Variants in SORCS2 observed in about 807,000 individuals in gnomAD.
SORCS2 encodes VPS10 domain-containing receptor SorCS2.
In SORCS2, 100 loss-of-function variants were observed where a neutral mutation model predicts 141.6. The ratio of observed to expected loss-of-function variants is 0.71; its 90% CI spans 0.60 to 0.83. SORCS2 has a LOEUF of 0.83. Ranked by LOEUF, SORCS2 falls within the 40% of genes least tolerant of loss-of-function variation. The pLI is 0.00. For missense variants in SORCS2, 1,646 were observed against 1,560.2 expected, an observed-to-expected ratio of 1.05 and a Z score of -0.93; for synonymous variants, 789 against 676.9, an observed-to-expected ratio of 1.17 and a Z score of -2.57.
At chr4:7,717,990 T>A (rs779005143) in intron 17 of SORCS2, 22 bp from the exon 18 acceptor site, 2 of 1,584,870 alleles carry the variant, frequency 1.3e-6, no homozygotes, top group East Asian at 4.7e-5. Context: ...AAGCGGACCC[T>A]GACCCTCTCT....
intron 1 of SORCS2, among the ~76,000 whole-genome samples, chr4:7,386,610 A>C (rs1247230950): frequency 6.7e-6 from 1 of 150,058 alleles, no homozygotes; most frequent in African/African-American, 2.5e-5. Context: ...ACGCACACAT[A>C]TGCCCACCAT....
At chr4:7,241,224 C>G (rs1310982064) in intron 1 of SORCS2, among the ~76,000 whole-genome samples, 1 of 152,174 alleles carries the variant, frequency 6.6e-6, no homozygotes, top group African/African-American at 2.4e-5. Flanking sequence ...CAGGCATGAG[C>G]CACCTCACTA....
chr4:7,662,418 C>T (rs1264844111), intron 6 of SORCS2, among the ~76,000 whole-genome samples: 4 of 152,122 alleles, frequency 2.6e-5, no homozygotes, highest in East Asian at 1.9e-4. Flanking sequence ...TACCTTTGAC[C>T]TCAGGCACCC....
At chr4:7,402,095 G>A (rs1044221542) in intron 2 of SORCS2, among the ~76,000 whole-genome samples, 7 of 152,152 alleles carry the variant, frequency 4.6e-5, no homozygotes, top group African/African-American at 1.7e-4. Flanking sequence ...AATAATGTAG[G>A]TGCCATTGAA....
Position 7,192,564 on chromosome 4 carries a change from C to T in SORCS2, c.-83C>T, listed in dbSNP as rs1726902929. 1 of 979,188 alleles carries T rather than the reference C, an allele frequency of 1.0e-6. No homozygotes were observed. The allele number at this position is 979,188 out of a possible 1,614,324, so 60.7% of individuals were successfully genotyped here. ...CTTTCTCTGCGCTCTCGCTCGCGCT[C>T]CCCAGCGCCCTCCTGCTCTCCCGGC... On this transcript the variant is annotated 5_prime_UTR_variant, in exon 1 of 27. Transcript: ENST00000507866. This position sits in a 1 kb window ranked among gnomAD's most constrained non-coding sequence, Gnocchi z 4.0.
intron 3 of SORCS2, among the ~76,000 whole-genome samples, chr4:7,625,000 T>C (rs1432570295): frequency 6.6e-6 from 1 of 152,238 alleles, no homozygotes; most frequent in Non-Finnish European, 1.5e-5. Context: ...ATGAGTTATT[T>C]TATATGCTCT....
chr4:7,513,230 C>T (rs774098340), intron 2 of SORCS2, among the ~76,000 whole-genome samples: 10 of 152,324 alleles, frequency 6.6e-5, no homozygotes, highest in South Asian at 2.1e-4. Flanking sequence ...AAATACCGTG[C>T]GCTACAGGTG....
chr4:7,732,936 A>G (rs919559575), intron 23 of SORCS2, among the ~76,000 whole-genome samples: 3 of 151,718 alleles, frequency 2.0e-5, no homozygotes, highest in Admixed American at 2.0e-4. Context: ...AGCAGGACTC[A>G]CACTGGTCCA....
At chr4:7,236,998 T>C (rs1712329066) in intron 1 of SORCS2, among the ~76,000 whole-genome samples, 1 of 152,188 alleles carries the variant, frequency 6.6e-6, no homozygotes, top group Admixed American at 6.5e-5. Context: ...GAAAGACTGG[T>C]CGGGTGGGGC....
intron 3 of SORCS2, among the ~76,000 whole-genome samples, chr4:7,559,789 C>A (rs138968401): frequency 6.6e-6 from 1 of 152,250 alleles, no homozygotes; most frequent in South Asian, 2.1e-4. Context: ...GATGAACAAA[C>A]GGCTCTCCAC....
chr4:7,226,685 A>T (rs1729010200), intron 1 of SORCS2, among the ~76,000 whole-genome samples: 1 of 151,994 alleles, frequency 6.6e-6, no homozygotes, highest in Non-Finnish European at 1.5e-5. Flanking sequence ...GTCACCGCTG[A>T]GGTTAAGATG....
chr4:7,529,274 C>A, intron 2 of SORCS2, among the ~76,000 whole-genome samples: 1 of 152,068 alleles, frequency 6.6e-6, no homozygotes, highest in Admixed American at 6.6e-5. Context: ...GGCCCCACCA[C>A]CCCTCCCTCA....
At chr4:7,703,566 C>G (rs1188226775) in intron 13 of SORCS2, among the ~76,000 whole-genome samples, 195 bp downstream of exon 13, 1 of 152,152 alleles carries the variant, frequency 6.6e-6, no homozygotes, top group East Asian at 1.9e-4. Context: ...TGGAGATGGA[C>G]TTCGTCTTGC....
rs188899363 is a variant in SORCS2 at position 7,570,280 on chromosome 4, C to T, written c.648+38651C>T. 3.9e-5 allele frequency among the ~76,000 whole-genome samples: 6 copies of T among 152,322 alleles called. No homozygotes were observed. The East Asian group carries it at 5.8e-4, about 15-fold the overall frequency. On this transcript the variant is annotated intron_variant, in intron 3 of 26. Coordinates refer to ENST00000507866, the MANE Select transcript of SORCS2 (RefSeq NM_020777.3). Reference sequence around the variant, plus strand: ...CGGTGGAGCCCAGGCACAGGCAGGCCGCTGAGCCTGTGTCCCACTTTGTAC... The same window carrying T: ...CGGTGGAGCCCAGGCACAGGCAGGCTGCTGAGCCTGTGTCCCACTTTGTAC...
chr4:7,339,024 C>T (rs1720207107), intron 1 of SORCS2, among the ~76,000 whole-genome samples: 1 of 152,230 alleles, frequency 6.6e-6, no homozygotes, highest in African/African-American at 2.4e-5. Flanking sequence ...GGGAACTGCA[C>T]CTCTTGGCCA....
At chr4:7,481,096 C>T (rs1369996119) in intron 2 of SORCS2, among the ~76,000 whole-genome samples, 1 of 152,228 alleles carries the variant, frequency 6.6e-6, no homozygotes, top group Non-Finnish European at 1.5e-5. Flanking sequence ...ATTCTAGTGG[C>T]CCTGCCTGGA....
At chr4:7,477,841 C>G (rs151265617) in intron 2 of SORCS2, among the ~76,000 whole-genome samples, 8 of 152,302 alleles carry the variant, frequency 5.3e-5, no homozygotes, top group Admixed American at 5.2e-4. Flanking sequence ...GCTGGATGAC[C>G]TGGGCCACTT....
intron 11 of SORCS2, among the ~76,000 whole-genome samples, chr4:7,696,015 G>A (rs995994527): frequency 6.6e-6 from 1 of 152,068 alleles, no homozygotes; most frequent in African/African-American, 2.4e-5. Context: ...TAGATGGGTG[G>A]ATTTACGAGT....
intron 16 of SORCS2, among the ~76,000 whole-genome samples, chr4:7,714,710 G>A (rs867781274): frequency 6.6e-6 from 1 of 152,206 alleles, no homozygotes. Flanking sequence ...GGACTCTGCT[G>A]AAAGCCACCC....
Sources: gnomAD v4.1 joint callset for allele counts (sites outside exome capture counted in the v4.1 genomes callset) on GRCh38, gnomAD v4.1.1 for gene constraint, Gnocchi (gnomAD v3.1) non-coding constraint, MANE v1.5 for transcripts, NCBI Gene and HGNC (gene_info 2026-07-23, HGNC 2026-07-21) for gene names.